Variants in CAMTA1 observed in about 807,000 individuals in gnomAD.
CAMTA1 encodes calmodulin binding transcription activator 1, also known as calmodulin-binding transcription activator 1.
CAMTA1 carries 27 observed loss-of-function variants against 170.9 expected under a neutral mutation model. The ratio of observed to expected loss-of-function variants is 0.16; its 90% confidence interval spans 0.12 to 0.22. The LOEUF is 0.22. CAMTA1 is among the 10% of genes least tolerant of loss of function. The pLI is 1.00. For synonymous variants in CAMTA1, 833 were observed against 891.5 expected, an observed-to-expected ratio of 0.93 and a Z score of 1.17; for missense variants, 1,619 against 2,217.2, an observed-to-expected ratio of 0.73 and a Z score of 5.42.
intron 3 of CAMTA1, among the ~76,000 whole-genome samples, chr1:6,881,764 A>C (rs1158348475): frequency 6.6e-6 from 1 of 152,118 alleles, no homozygotes; most frequent in African/African-American, 2.4e-5. Flanking sequence ...TCAGGAGTTC[A>C]AGACCAGCCT....
chr1:7,675,940 T>C (rs2096115054), intron 10 of CAMTA1, among the ~76,000 whole-genome samples: 1 of 152,202 alleles, frequency 6.6e-6, no homozygotes, highest in Non-Finnish European at 1.5e-5. Context: ...CATTCCAGCG[T>C]TGCTGCAGGT....
chr1:7,139,441 T>C (rs1645764499), intron 4 of CAMTA1, among the ~76,000 whole-genome samples: 1 of 151,656 alleles, frequency 6.6e-6, no homozygotes, highest in Admixed American at 6.6e-5. Flanking sequence ...GAGGCTGTGG[T>C]GGGTGCCCAG....
At chr1:7,529,928 A>G (rs1027626261) in intron 6 of CAMTA1, among the ~76,000 whole-genome samples, 5 of 152,362 alleles carry the variant, frequency 3.3e-5, no homozygotes, top group Admixed American at 6.5e-5. Flanking sequence ...AGGCTGGATA[A>G]GAAGCTTCCT....
At chr1:7,649,036 A>G (rs2095829904) in intron 7 of CAMTA1, among the ~76,000 whole-genome samples, 1 of 152,232 alleles carries the variant, frequency 6.6e-6, no homozygotes, top group Non-Finnish European at 1.5e-5. Context: ...TCCCAGAGGA[A>G]GCCAGTCCCC....
chr1:7,131,509 A>C, intron 4 of CAMTA1, among the ~76,000 whole-genome samples: 1 of 150,468 alleles, frequency 6.6e-6, no homozygotes, highest in East Asian at 1.9e-4. Flanking sequence ...ATGAGGGTCA[A>C]GGATCGTCTT....
chr1:7,529,328 C>T (rs2094465321), intron 6 of CAMTA1, among the ~76,000 whole-genome samples: 1 of 151,982 alleles, frequency 6.6e-6, no homozygotes, highest in South Asian at 2.1e-4. Context: ...CTGCATCTCT[C>T]CTCTTGTGTG....
chr1:7,530,355 C>A (rs991715884), intron 6 of CAMTA1, among the ~76,000 whole-genome samples: 1 of 152,170 alleles, frequency 6.6e-6, no homozygotes, highest in Admixed American at 6.5e-5. Flanking sequence ...GACCGAAGTG[C>A]CTTTCAGCAG....
At chr1:7,723,364 A>T (rs1320681171) in intron 11 of CAMTA1, among the ~76,000 whole-genome samples, 1 of 152,236 alleles carries the variant, frequency 6.6e-6, no homozygotes, top group South Asian at 2.1e-4. Flanking sequence ...AATAAATAAC[A>T]GTATCAGATT....
At chr1:7,727,496 A>G (rs565713446) in intron 11 of CAMTA1, among the ~76,000 whole-genome samples, 1 of 152,338 alleles carries the variant, frequency 6.6e-6, no homozygotes, top group African/African-American at 2.4e-5. Context: ...AAAAGAGGGC[A>G]AGGATATTTT....
chr1:7,368,235 G>A (rs1169904350), intron 5 of CAMTA1, among the ~76,000 whole-genome samples: 1 of 150,592 alleles, frequency 6.6e-6, no homozygotes, highest in Non-Finnish European at 1.5e-5. Context: ...CAGGCACTGG[G>A]CATGGATGGT....
intron 1 of CAMTA1, among the ~76,000 whole-genome samples, chr1:6,803,862 G>A (rs1299006445): frequency 6.6e-6 from 1 of 151,826 alleles, no homozygotes. Flanking sequence ...GTACAGGCAT[G>A]TATCACCATG....
chr1:7,137,772 G>A (rs1420145859), intron 4 of CAMTA1, among the ~76,000 whole-genome samples: 1 of 152,052 alleles, frequency 6.6e-6, no homozygotes, highest in Non-Finnish European at 1.5e-5. Context: ...ACCTTCTCAA[G>A]GAGGCTCAAC....
chr1:7,011,343 G>T lies in CAMTA1; in HGVS notation c.235-79961G>T, dbSNP rs75141010. Reference sequence around the variant, plus strand: ...TTACATGCATGAGCTACTGTGCCCTGCCTGGATTGTAACTACTTTAAAAAA... The same window carrying T: ...TTACATGCATGAGCTACTGTGCCCTTCCTGGATTGTAACTACTTTAAAAAA... On this transcript the variant is annotated intron_variant, in intron 3 of 22. Transcript: ENST00000303635. Among the ~76,000 whole-genome samples the T allele has an allele frequency of 1.5e-4, 23 of 152,208 alleles. No homozygotes were observed. In the East Asian group the frequency reaches 4.4e-3, roughly 29 times the overall value.
intron 3 of CAMTA1, among the ~76,000 whole-genome samples, chr1:6,840,464 G>C (rs539815682): frequency 3.3e-5 from 5 of 152,008 alleles, no homozygotes; most frequent in Admixed American, 1.3e-4. Flanking sequence ...TTGGATGTAG[G>C]GGGTAAAGGA....
intron 4 of CAMTA1, among the ~76,000 whole-genome samples, chr1:7,235,925 ATT>A (rs1350944641): frequency 1.3e-5 from 2 of 152,146 alleles, no homozygotes; most frequent in Admixed American, 1.3e-4. Context: ...CCTTGTCCTT[ATT>A]ATTCGTATGG....
At chr1:7,415,860 G>A (rs200088050) in intron 5 of CAMTA1, among the ~76,000 whole-genome samples, 1 of 152,156 alleles carries the variant, frequency 6.6e-6, no homozygotes, top group Non-Finnish European at 1.5e-5. Flanking sequence ...AGCCTTGATG[G>A]TCTTTACAAT....
chr1:7,538,603 T>A (rs2094574771), intron 6 of CAMTA1, among the ~76,000 whole-genome samples: 1 of 152,198 alleles, frequency 6.6e-6, no homozygotes, highest in South Asian at 2.1e-4. Flanking sequence ...TGAGCCATGA[T>A]CACACTGCTG....
intron 3 of CAMTA1, among the ~76,000 whole-genome samples, chr1:7,009,000 G>A (rs1699408480): frequency 6.6e-6 from 1 of 152,222 alleles, no homozygotes; most frequent in Non-Finnish European, 1.5e-5. Context: ...AGGAGTCCTT[G>A]GGAGCCTCCA....
At chr1:7,639,135 T>C (rs143406934) in intron 6 of CAMTA1, among the ~76,000 whole-genome samples, 3,695 of 151,936 alleles carry the variant, frequency 0.024, 151 homozygotes, top group African/African-American at 0.084. Context: ...CCCGCCACCA[T>C]GCCCGGCTAA....
Sources: gnomAD v4.1 joint callset for allele counts (sites outside exome capture counted in the v4.1 genomes callset) on GRCh38, gnomAD v4.1.1 for gene constraint, MANE v1.5 for transcripts, NCBI Gene and HGNC (gene_info 2026-07-23, HGNC 2026-07-21) for gene names.